Variants in IFT43 observed in about 807,000 individuals in gnomAD.
The protein encoded by IFT43 is intraflagellar transport 43.
IFT43 carries 33 observed loss-of-function variants against 32.3 expected under a neutral mutation model. The observed-to-expected ratio is 1.02, with a 90% CI of 0.77 to 1.37. The LOEUF (loss-of-function observed/expected upper bound fraction) is 1.37, where lower values mean the gene tolerates loss of function less well. Among genes scored for constraint, IFT43 ranks in the 40% most tolerant of loss-of-function variants. IFT43 has a pLI of 0.00. For synonymous variants in IFT43, 93 were observed against 98.2 expected (o/e 0.95, Z 0.31); for missense variants, 274 against 265.9 (o/e 1.03, Z -0.21).
intron 2 of IFT43, among the ~76,000 whole-genome samples, chr14:76,021,371 G>T (rs895893947): frequency 6.6e-6 from 1 of 151,900 alleles, no homozygotes; most frequent in Non-Finnish European, 1.5e-5. Flanking sequence ...ATTACTTTTC[G>T]GTTTATAAAA....
chr14:76,062,642 C>T (rs528274894), intron 5 of IFT43, among the ~76,000 whole-genome samples: 1 of 152,120 alleles, frequency 6.6e-6, no homozygotes, highest in African/African-American at 2.4e-5. Context: ...GTCAGTCAGG[C>T]GCGGTGGCTC....
At chr14:76,056,044 C>T (rs1433757589) in intron 3 of IFT43, among the ~76,000 whole-genome samples, 2 of 152,150 alleles carry the variant, frequency 1.3e-5, no homozygotes, top group African/African-American at 2.4e-5. Context: ...GATTTTTATA[C>T]AAAATCTCCC....
chr14:76,013,661 C>A, intron 2 of IFT43: 1 of 286,844 alleles, frequency 3.5e-6, no homozygotes, highest in East Asian at 9.2e-5. Flanking sequence ...GGGAAAGGAG[C>A]AGCAACAAAT....
intron 5 of IFT43, among the ~76,000 whole-genome samples, chr14:76,060,545 A>G (rs1190413672): frequency 7.0e-6 from 1 of 143,688 alleles, no homozygotes; most frequent in Admixed American, 7.0e-5. Flanking sequence ...TTTTTTTTTT[A>G]GACACACTTA....
intron 3 of IFT43, among the ~76,000 whole-genome samples, chr14:76,027,089 A>T (rs903484812): frequency 6.6e-6 from 1 of 151,304 alleles, no homozygotes; most frequent in Non-Finnish European, 1.5e-5. Flanking sequence ...TGAAAGGTGG[A>T]GGGTGGGAGG....
chr14:75,990,170 A>G (rs2035609401), intron 2 of IFT43, among the ~76,000 whole-genome samples: 1 of 152,262 alleles, frequency 6.6e-6, no homozygotes, highest in South Asian at 2.1e-4. Context: ...ACCACTACTT[A>G]GCCAAAGCTG....
intron 5 of IFT43, among the ~76,000 whole-genome samples, chr14:76,071,399 G>A (rs937581184): frequency 2.6e-5 from 4 of 152,184 alleles, no homozygotes; most frequent in African/African-American, 4.8e-5. Flanking sequence ...TCTTACAGAG[G>A]AGGAAACCAA....
intron 5 of IFT43, among the ~76,000 whole-genome samples, chr14:76,079,906 G>C (rs1376038711): frequency 6.6e-6 from 1 of 151,434 alleles, no homozygotes; most frequent in Non-Finnish European, 1.5e-5. Flanking sequence ...TCTTTTTTCT[G>C]TGTTCGTTCA....
intron 3 of IFT43, among the ~76,000 whole-genome samples, chr14:76,040,829 G>A (rs911419104): frequency 6.6e-6 from 1 of 152,226 alleles, no homozygotes; most frequent in African/African-American, 2.4e-5. Context: ...GCAGAGGGGA[G>A]CACCCGATCC....
intron 2 of IFT43, among the ~76,000 whole-genome samples, chr14:76,009,801 GT>G (rs371762422): frequency 0.019 from 2,827 of 146,984 alleles, 91 homozygotes; most frequent in African/African-American, 0.066. Context: ...TCATCTAGTG[GT>G]TTTTTTTTTT....
intron 2 of IFT43, among the ~76,000 whole-genome samples, chr14:76,005,542 A>T (rs1355639020): frequency 6.6e-6 from 1 of 152,224 alleles, no homozygotes; most frequent in Non-Finnish European, 1.5e-5. Flanking sequence ...TCCTTTATGC[A>T]TGTACAATTC....
chr14:76,040,956 C>A (rs17103928), intron 3 of IFT43, among the ~76,000 whole-genome samples: 28,209 of 152,210 alleles, frequency 0.19, 2,835 homozygotes, highest in African/African-American at 0.26. Flanking sequence ...ATTGCTGTAC[C>A]TCTAAGGGCC....
intron 2 of IFT43, among the ~76,000 whole-genome samples, chr14:75,998,992 C>T (rs774423744): frequency 2.0e-4 from 30 of 152,002 alleles, no homozygotes; most frequent in Admixed American, 9.2e-4. Flanking sequence ...ACCTTGGCCT[C>T]CCAAAGCTCT....
At chr14:76,081,852 A>G (rs1412435383) in intron 5 of IFT43, among the ~76,000 whole-genome samples, 2 of 152,198 alleles carry the variant, frequency 1.3e-5, no homozygotes, top group Non-Finnish European at 2.9e-5. Context: ...AGTGGCACTC[A>G]CTGCGGCATC....
At chr14:76,016,627 C>T (rs2139940438) in intron 2 of IFT43, among the ~76,000 whole-genome samples, 1 of 152,052 alleles carries the variant, frequency 6.6e-6, no homozygotes, top group Middle Eastern at 3.4e-3. Flanking sequence ...TTGTATTGAA[C>T]CTGTAGATTC....
At chr14:76,000,431 A>AT (rs530537491) in intron 2 of IFT43, among the ~76,000 whole-genome samples, 7,047 of 143,844 alleles carry the variant, frequency 0.049, 324 homozygotes, top group African/African-American at 0.12. Flanking sequence ...CGCCAGGCTA[A>AT]TTTTTTTTTT....
rs1430853738 is a variant in IFT43, at chr14:76,058,644, T to G, written c.218T>G (p.Phe73Cys). Reference protein sequence around the residue: ...WAGDSVKASKFRRKASEEIED... With the variant: ...WAGDSVKASKCRRKASEEIED... ...TGTCTTTTCTTTTTTTTTTTCAGGT[T>G]TAGGAGGAAGGCTTCTGAAGAAATA... The change falls in exon 4 of 9, where the codon TTT (phenylalanine) becomes TGT (cysteine). Residue 73 changes from phenylalanine (F) to cysteine (C), a missense_variant and splice_region_variant. Transcript: ENST00000314067. 2 of 1,613,160 alleles carry G rather than the reference T, an allele frequency of 1.2e-6. No homozygotes were observed. The highest frequency in any genetic ancestry group is 1.1e-5 in the South Asian group (1 of 91,036).
chr14:76,038,734 A>T (rs992633674), intron 3 of IFT43, among the ~76,000 whole-genome samples: 3 of 152,248 alleles, frequency 2.0e-5, no homozygotes, highest in Non-Finnish European at 4.4e-5. Flanking sequence ...CCATTGAAGT[A>T]GGGAAAAGTG....
chr14:76,082,385 T>G lies in IFT43; in HGVS notation c.368+18T>G. On this transcript the variant is annotated intron_variant, in intron 6 of 8. Coordinates refer to ENST00000314067, the MANE Select transcript of IFT43 (RefSeq NM_001102564.3). Reference sequence around the variant, plus strand: ...CCTCCCAGGTAGGTTAAATCAGATATGATTGGGGAGGCAAAGAACACGTGA... The same window carrying G: ...CCTCCCAGGTAGGTTAAATCAGATAGGATTGGGGAGGCAAAGAACACGTGA... The G allele has an allele frequency of 6.7e-7, 1 of 1,499,178 alleles. No individual in the cohort carries two copies. The highest frequency in any genetic ancestry group is 1.1e-5 in the South Asian group (1 of 88,808). The allele number at this position is 1,499,178 out of a possible 1,614,324, so 92.9% of individuals were successfully genotyped here. A position where few individuals can be genotyped will look rare whatever the true frequency, so the allele number is the denominator to read the frequency against.
Sources: allele counts gnomAD v4.1 joint callset (sites outside exome capture counted in the v4.1 genomes callset), GRCh38; gene constraint gnomAD v4.1.1; transcripts MANE v1.5; gene names NCBI Gene and HGNC (gene_info 2026-07-23, HGNC 2026-07-21).